FRMPD4: variants seen among roughly 807,000 people sequenced by gnomAD.
FRMPD4 encodes the protein FERM and PDZ domain-containing protein 4.
In FRMPD4, 22 loss-of-function variants were observed where a neutral mutation model predicts 94.1. That is an observed-to-expected ratio of 0.23 (90% confidence interval 0.17 to 0.33). The LOEUF (loss-of-function observed/expected upper bound fraction) is 0.33. Ranked by LOEUF, FRMPD4 falls within the 10% of genes least tolerant of loss-of-function variation. FRMPD4 has a pLI of 1.00. For synonymous variants in FRMPD4, 631 were observed against 548.6 expected (o/e 1.15, Z -2.10); for missense variants, 1,111 against 1,339.9 (o/e 0.83, Z 2.67).
At chrX:12,443,540 G>A (rs998550342) in intron 1 of FRMPD4, among the ~76,000 whole-genome samples, 8 of 111,452 alleles carry the variant, frequency 7.2e-5, no homozygotes, top group South Asian at 7.6e-4. Context: ...TGGTACTGGC[G>A]GCCACCATAG....
chrX:12,280,762 G>C lies in FRMPD4; in HGVS notation c.41+141750G>C, dbSNP rs935111904. Among the ~76,000 whole-genome samples, 3 of 111,358 alleles carry C rather than the reference G, an allele frequency of 2.7e-5. No individual in the cohort carries two copies. In the East Asian group the frequency reaches 8.5e-4, roughly 31 times the overall value. ...CTTCAGACAAACTACACATCTCTCT[G>C]TTTCAGCCTAGCCACCTGCAAGATG... On this transcript the variant is annotated intron_variant, in intron 1 of 16. Transcript: ENST00000675598.
intron 3 of FRMPD4, among the ~76,000 whole-genome samples, chrX:12,099,063 T>A (rs1332584421): frequency 6.6e-5 from 2 of 30,311 alleles, no homozygotes; most frequent in Non-Finnish European, 5.7e-5. Flanking sequence ...GGGACTGTTG[T>A]GGGGTGGGGG....
At chrX:12,109,537 T>C (rs1038564961) in intron 3 of FRMPD4, among the ~76,000 whole-genome samples, 7 of 111,156 alleles carry the variant, frequency 6.3e-5, no homozygotes, top group Admixed American at 4.8e-4. Context: ...AGCAAACACA[T>C]TGAAAAGCTA....
intron 4 of FRMPD4, among the ~76,000 whole-genome samples, chrX:12,634,516 A>G (rs1251630758): frequency 8.9e-6 from 1 of 112,163 alleles, no homozygotes; most frequent in African/African-American, 3.2e-5. Context: ...TCTTTTTGGT[A>G]GAGCACTTCA....
chrX:12,238,500 A>G (rs6654756), intron 1 of FRMPD4, among the ~76,000 whole-genome samples: 5 of 112,321 alleles, frequency 4.5e-5, no homozygotes, highest in African/African-American at 1.6e-4. Flanking sequence ...ATCTTTAAAA[A>G]TGTGATCTAT....
chrX:12,203,115 T>C (rs2056649487), intron 1 of FRMPD4, among the ~76,000 whole-genome samples: 1 of 112,005 alleles, frequency 8.9e-6, no homozygotes, highest in Non-Finnish European at 1.9e-5. Context: ...CTTTCTTCCT[T>C]AGTGTTTCTC....
chrX:12,621,966 A>AAG (rs1446243637), intron 4 of FRMPD4, among the ~76,000 whole-genome samples: 1 of 63,144 alleles, frequency 1.6e-5, no homozygotes, highest in Non-Finnish European at 2.9e-5. Context: ...GAAAGAAAGA[A>AAG]AGAGAAAGAA....
Position 12,718,715 on chromosome X carries a change from G to C in FRMPD4, c.3889G>C (p.Ala1297Pro), listed in dbSNP as rs754514737. Reference sequence around the variant, plus strand: ...GATGACAGTGCCTGCTCTGCACACAGCCATTAACACCGAACCCCTGTTTGG... The same window carrying C: ...GATGACAGTGCCTGCTCTGCACACACCCATTAACACCGAACCCCTGTTTGG... ...PRMTVPALHTAINTEPLFGTL... is the reference protein window; with the variant it reads ...PRMTVPALHTPINTEPLFGTL... The change falls in exon 16 of 17, where the codon GCC becomes CCC. Residue 1297 changes from alanine (A) to proline (P), a missense_variant. Around this residue, in one of 8 missense-constraint regions of FRMPD4, gnomAD observed 551 missense variants for 591.6 expected, o/e 0.93. Coordinates refer to ENST00000675598, the MANE Select transcript of FRMPD4 (RefSeq NM_001368397.1). The C allele has an allele frequency of 1.7e-6, 2 of 1,207,880 alleles. No individual in the cohort carries two copies. The highest frequency in any genetic ancestry group is 3.5e-5 in the African/African-American group (2 of 57,190).
At chrX:12,176,275 A>G (rs2056293879) in intron 1 of FRMPD4, among the ~76,000 whole-genome samples, 1 of 111,852 alleles carries the variant, frequency 8.9e-6, no homozygotes, top group Admixed American at 9.5e-5. Context: ...GGTGAAATAA[A>G]TTTGTTAGTA....
chrX:12,165,553 G>A (rs771989371), intron 1 of FRMPD4, among the ~76,000 whole-genome samples: 9 of 111,812 alleles, frequency 8.0e-5, no homozygotes, highest in African/African-American at 2.9e-4. Flanking sequence ...GGTTCCATAC[G>A]AACTTTAAGG....
At chrX:12,532,890 A>G (rs1231604741) in intron 2 of FRMPD4, among the ~76,000 whole-genome samples, 1 of 112,550 alleles carries the variant, frequency 8.9e-6, no homozygotes, top group Non-Finnish European at 1.9e-5. Context: ...GAGTGCTAAG[A>G]TTGAGAAACC....
intron 3 of FRMPD4, among the ~76,000 whole-genome samples, chrX:11,987,127 A>AAAC (rs2054435198): frequency 2.1e-5 from 2 of 96,189 alleles, no homozygotes; most frequent in South Asian, 4.8e-4. Flanking sequence ...AAAAAAAAAA[A>AAAC]AACAACTACA....
At chrX:12,675,591 C>T (rs998878727) in intron 5 of FRMPD4, among the ~76,000 whole-genome samples, 8 of 111,562 alleles carry the variant, frequency 7.2e-5, no homozygotes, top group African/African-American at 2.6e-4. Context: ...TCCCTGTTCC[C>T]ATTTACAATT....
At chrX:12,716,001 T>TGGGGGG (rs2042070445) in intron 14 of FRMPD4, 68 bp from the exon 15 acceptor site, 3 of 231,646 alleles carry the variant, frequency 1.3e-5, no homozygotes, top group East Asian at 8.5e-5. Context: ...GAGACGAGCC[T>TGGGGGG]CCCACCCCCG....
At chrX:12,459,454 TC>T (rs946010640) in intron 1 of FRMPD4, among the ~76,000 whole-genome samples, 1 of 111,357 alleles carries the variant, frequency 9.0e-6, no homozygotes, top group African/African-American at 3.3e-5. Context: ...TTTCCTCAAG[TC>T]CCTTACGGTC....
chrX:12,524,948 T>C (rs1005145854), intron 2 of FRMPD4, among the ~76,000 whole-genome samples: 3 of 111,606 alleles, frequency 2.7e-5, no homozygotes, highest in Non-Finnish European at 5.6e-5. Context: ...GGGAAATGTT[T>C]TGCGATTCTT....
intron 1 of FRMPD4, among the ~76,000 whole-genome samples, chrX:11,840,060 G>T (rs1439016167): frequency 9.0e-6 from 1 of 111,343 alleles, no homozygotes. Flanking sequence ...TTTTAACGCT[G>T]CATTTCCATA....
chrX:12,706,000 C>A (rs993719027), intron 11 of FRMPD4, among the ~76,000 whole-genome samples: 1 of 111,558 alleles, frequency 9.0e-6, no homozygotes, highest in Non-Finnish European at 1.9e-5. Context: ...ATTTTATGGT[C>A]ATTGCCACTT....
intron 2 of FRMPD4, among the ~76,000 whole-genome samples, chrX:12,540,276 T>C (rs1193133436): frequency 2.7e-5 from 3 of 111,638 alleles, no homozygotes; most frequent in Non-Finnish European, 3.8e-5. Flanking sequence ...AATGCACCAA[T>C]TAAAAGACAC....
Sources: allele counts gnomAD v4.1 joint callset (sites outside exome capture counted in the v4.1 genomes callset), GRCh38; gene constraint gnomAD v4.1.1; regional missense constraint gnomAD v4.1.1; transcripts MANE v1.5; gene names NCBI Gene and HGNC (gene_info 2026-07-23, HGNC 2026-07-21).